The following MYO18B variants were observed in gnomAD, a reference collection of about 807,000 sequenced individuals.
The protein encoded by MYO18B is myosin XVIIIB.
Under a neutral mutation model 273.0 loss-of-function variants are expected in MYO18B, and 204 were observed. The observed-to-expected ratio is 0.75, with a 90% CI of 0.67 to 0.84. The LOEUF is 0.84. Among genes scored for constraint, MYO18B ranks in the 40% least tolerant of loss-of-function variants. The pLI is 0.00. For synonymous variants in MYO18B, 1,330 were observed against 1,305.7 expected, an observed-to-expected ratio of 1.02 and a Z score of -0.40; for missense variants, 3,212 against 3,287.6, an observed-to-expected ratio of 0.98 and a Z score of 0.56.
chr22:25,784,163 G>C (rs1038027726), intron 10 of MYO18B, among the ~76,000 whole-genome samples: 1 of 152,170 alleles, frequency 6.6e-6, no homozygotes, highest in African/African-American at 2.4e-5. Context: ...TGCCAGCGCA[G>C]TCTCCCTTCC....
chr22:25,830,370 CT>C (rs1262433754), intron 15 of MYO18B, among the ~76,000 whole-genome samples: 1 of 152,126 alleles, frequency 6.6e-6, no homozygotes, highest in African/African-American at 2.4e-5. Context: ...AGTGTAGTGG[CT>C]TAGAAAAAAA....
rs151227912 is a variant in MYO18B at position 25,830,953 on chromosome 22, T to G, written c.2980-1964T>G. 6.8e-3 allele frequency among the ~76,000 whole-genome samples: 1,041 copies of G among 152,340 alleles called. 15 individuals are homozygous for G. Among genetic ancestry groups the G allele is most frequent in the African/African-American group, 0.024 (987 of 41,580 alleles). On this transcript the variant is annotated intron_variant, in intron 15 of 43. Transcript: ENST00000335473. Reference sequence around the variant, plus strand: ...CAGCTATTTTATTTTTCCCATAATATTTCACTTATTTCTGATTATCAATGT... The same window carrying G: ...CAGCTATTTTATTTTTCCCATAATAGTTCACTTATTTCTGATTATCAATGT...
chr22:25,944,825 C>T (rs951648542), intron 34 of MYO18B, among the ~76,000 whole-genome samples: 3 of 138,858 alleles, frequency 2.2e-5, no homozygotes, highest in South Asian at 2.2e-4. Context: ...CCATCGTGGG[C>T]GACAGAGCAA....
intron 3 of MYO18B, among the ~76,000 whole-genome samples, chr22:25,764,328 A>G (rs1490178710): frequency 6.6e-5 from 10 of 152,200 alleles, no homozygotes; most frequent in Non-Finnish European, 1.3e-4. Context: ...AAGGTGGACC[A>G]TGAGGGAGGC....
rs1555962218 is a variant in MYO18B at position 25,950,550 on chromosome 22, G to GTA, written c.5832+102_5832+103dup. On this transcript the variant is annotated intron_variant, in intron 37 of 43. Transcript: ENST00000335473. ...TGTGTGTGTGTGTGTGTGTGTGTGTGTATGAGTTTATTGTTTGTTTATTTG... is the reference window on the plus strand; with the variant it reads ...TGTGTGTGTGTGTGTGTGTGTGTGTGTATATGAGTTTATTGTTTGTTTATTTG... 6.8e-5 allele frequency: 50 copies of GTA among 740,502 alleles called. 1 individual carries two copies. Among genetic ancestry groups the GTA allele is most frequent in the African/African-American group, 6.4e-4 (35 of 54,388 alleles). 45.9% of individuals were successfully genotyped at this position (740,502 alleles called of 1,614,324 possible).
At chr22:25,792,014 C>T (rs1184335836) in intron 11 of MYO18B, among the ~76,000 whole-genome samples, 3 of 152,204 alleles carry the variant, frequency 2.0e-5, no homozygotes, top group Admixed American at 6.5e-5. Context: ...TCTCAGATCA[C>T]GATTCAGATC....
intron 36 of MYO18B, among the ~76,000 whole-genome samples, 188 bp from the exon 37 acceptor site, chr22:25,950,179 C>T (rs538061700): frequency 4.1e-4 from 63 of 151,958 alleles, no homozygotes; most frequent in Non-Finnish European, 8.4e-4. Context: ...AGTGACTCAG[C>T]GAACATTGAA....
intron 39 of MYO18B, among the ~76,000 whole-genome samples, chr22:25,977,504 C>T (rs2093103865): frequency 6.6e-6 from 1 of 151,960 alleles, no homozygotes; most frequent in Non-Finnish European, 1.5e-5. Context: ...TGTGACCTGA[C>T]AGTGAGGAAG....
rs757976244 is a variant in MYO18B, at chr22:25,761,123, G to A, written c.31G>A (p.Glu11Lys). 1.9e-6 allele frequency: 3 copies of A among 1,613,358 alleles called. No individual in the cohort carries two copies. The South Asian group carries it at 3.3e-5, about 18-fold the overall frequency. Residue 11 changes from glutamate to lysine, a missense_variant, in exon 2 of 44, where the codon GAG (glutamate) becomes AAG (lysine). Coordinates refer to ENST00000335473, the MANE Select transcript of MYO18B (RefSeq NM_032608.7). Reference sequence around the variant, plus strand: ...CATCTCATCACGCCTCGCCCTGTGGGAGCAGAAGGAAAGTGACACTCATGG... The same window carrying A: ...CATCTCATCACGCCTCGCCCTGTGGAAGCAGAAGGAAAGTGACACTCATGG... MAISSRLALWEQKIREEDKSP... is the reference protein window; with the variant it reads MAISSRLALWKQKIREEDKSP...
At chr22:26,050,918 G>C in the MYO18B span, among the ~76,000 whole-genome samples, 3 of 152,250 alleles carry the variant, frequency 2.0e-5, no homozygotes, top group African/African-American at 7.2e-5. Flanking sequence ...AAAATTGCTG[G>C]AAAGAGTTAC....
chr22:25,889,042 C>T (rs2091582308), intron 25 of MYO18B, among the ~76,000 whole-genome samples: 1 of 150,336 alleles, frequency 6.7e-6, no homozygotes, highest in South Asian at 2.1e-4. Flanking sequence ...GCCCATCCTT[C>T]CAGGAAAAAA....
downstream of MYO18B, among the ~76,000 whole-genome samples, chr22:26,031,521 C>A (rs983800745): frequency 5.9e-5 from 9 of 152,206 alleles, no homozygotes; most frequent in African/African-American, 2.2e-4. Flanking sequence ...AGGGTCTGCC[C>A]TAATGACCTT....
intron 1 of MYO18B, among the ~76,000 whole-genome samples, chr22:25,745,110 T>G (rs1419948679): frequency 6.6e-6 from 1 of 152,174 alleles, no homozygotes; most frequent in Non-Finnish European, 1.5e-5. Context: ...AAATTGCGTC[T>G]TATTTTATTT....
At position 25,955,174 on chromosome 22, in the gene MYO18B, C is replaced by A; in HGVS notation, c.5971-5C>A. 1 of 1,597,346 alleles carries A rather than the reference C, an allele frequency of 6.3e-7. No individual in the cohort carries two copies. Among genetic ancestry groups the A allele is most frequent in the South Asian group, 1.1e-5 (1 of 88,050 alleles). ...AAGGTGGGCATGTGTCTCTGCCCCT[C>A]CCAGGTCCTGGTGATCCGGCTTCGG... On this transcript the variant is annotated splice_region_variant and splice_polypyrimidine_tract_variant and intron_variant, in intron 38 of 43. Coordinates refer to ENST00000335473, the MANE Select transcript of MYO18B (RefSeq NM_032608.7).
At chr22:26,038,237 GT>G in the MYO18B span, among the ~76,000 whole-genome samples, 1 of 152,158 alleles carries the variant, frequency 6.6e-6, no homozygotes, top group Non-Finnish European at 1.5e-5. Context: ...GCACCTCCAA[GT>G]TCTGGTCTCA....
intron 34 of MYO18B, among the ~76,000 whole-genome samples, chr22:25,930,359 A>G (rs930206723): frequency 2.6e-5 from 4 of 151,958 alleles, no homozygotes; most frequent in Admixed American, 2.0e-4. Flanking sequence ...TAAAAGACTT[A>G]GCCAAAGTCA....
At chr22:25,952,248 G>A (rs1440942835) in intron 37 of MYO18B, 38 bp from the exon 38 acceptor site, 1 of 1,596,970 alleles carries the variant, frequency 6.3e-7, no homozygotes, top group African/African-American at 1.3e-5. Context: ...TGGTATCAGG[G>A]ACAACAGATG....
rs2145608333 is a variant in MYO18B, at chr22:25,772,317, G to C, written c.1693-17G>C. 1 of 1,610,316 alleles carries C rather than the reference G, an allele frequency of 6.2e-7. No individual in the cohort carries two copies. The highest frequency in any genetic ancestry group is 1.3e-5 in the African/African-American group (1 of 74,996). On this transcript the variant is annotated splice_polypyrimidine_tract_variant and intron_variant, in intron 6 of 43. Transcript: ENST00000335473. ...AGGCCAGAAGGCCAGAGGAGACTCT[G>C]TGTGATGGTTTCACAGGCCAACCCT...
At chr22:25,869,210 A>C (rs2090976749) in intron 22 of MYO18B, among the ~76,000 whole-genome samples, 1 of 152,108 alleles carries the variant, frequency 6.6e-6, no homozygotes, top group African/African-American at 2.4e-5. Context: ...GCACTTTGGG[A>C]GGCCAAGGCG....
Sources: gnomAD v4.1 joint callset for allele counts (sites outside exome capture counted in the v4.1 genomes callset) on GRCh38, gnomAD v4.1.1 for gene constraint, MANE v1.5 for transcripts, NCBI Gene and HGNC (gene_info 2026-07-23, HGNC 2026-07-21) for gene names.